Variants in FBXL17 observed in about 807,000 individuals in gnomAD.
FBXL17 encodes F-box and leucine rich repeat protein 17.
FBXL17 carries 22 observed loss-of-function variants against 66.2 expected under a neutral mutation model. That is an observed-to-expected ratio of 0.33 (90% CI 0.24 to 0.47). The LOEUF is 0.47. Ranked by LOEUF, FBXL17 falls within the 20% of genes least tolerant of loss-of-function variation. The pLI is 1.00. For synonymous variants in FBXL17, 474 were observed against 400.5 expected (o/e 1.18, Z -2.19); for missense variants, 878 against 948.2 (o/e 0.93, Z 0.97).
rs139135298 is a variant in FBXL17, at chr5:107,938,447, T to C, written c.1823-57268A>G. 3.6e-3 allele frequency among the ~76,000 whole-genome samples: 552 copies of C among 152,236 alleles called. 16 individuals carry two copies. Among genetic ancestry groups the C allele is most frequent in the Admixed American group, 0.035 (536 of 15,268 alleles). ...AACCTAGGGTGAAAGGGGTTGTTAG[T>C]CATTTATCTGTCTTTTAGTGACATC... is the stretch of plus-strand genomic sequence containing the variant. On this transcript the variant is annotated intron_variant, in intron 7 of 8. Coordinates refer to ENST00000542267, the MANE Select transcript of FBXL17 (RefSeq NM_001163315.3).
chr5:108,166,688 C>A (rs1485779822), intron 6 of FBXL17, among the ~76,000 whole-genome samples: 1 of 152,088 alleles, frequency 6.6e-6, no homozygotes, highest in Non-Finnish European at 1.5e-5. Context: ...AGCTTGCTGG[C>A]AGAAGGCTAA....
intron 6 of FBXL17, among the ~76,000 whole-genome samples, chr5:108,070,462 G>A (rs976677725): frequency 6.6e-6 from 1 of 152,256 alleles, no homozygotes. Flanking sequence ...AAATTATACT[G>A]TTTTAAGTCC....
At chr5:108,027,474 C>T (rs533601710) in intron 6 of FBXL17, among the ~76,000 whole-genome samples, 42 of 152,034 alleles carry the variant, frequency 2.8e-4, no homozygotes, top group Admixed American at 2.0e-3. Flanking sequence ...TCAGAATATG[C>T]AAGAAGCAGA....
intron 7 of FBXL17, among the ~76,000 whole-genome samples, chr5:108,013,715 A>G (rs1754269072): frequency 6.6e-6 from 1 of 152,166 alleles, no homozygotes; most frequent in Admixed American, 6.5e-5. Context: ...AAACAAAAAT[A>G]AAAAACCAGT....
chr5:108,346,561 G>C (rs1561543185), intron 4 of FBXL17, among the ~76,000 whole-genome samples: 7 of 152,060 alleles, frequency 4.6e-5, no homozygotes, highest in African/African-American at 1.7e-4. Flanking sequence ...TACTGCTTGA[G>C]AAACAGAAAA....
chr5:107,991,413 A>T (rs573597630), intron 7 of FBXL17, among the ~76,000 whole-genome samples: 22 of 152,290 alleles, frequency 1.4e-4, no homozygotes, highest in African/African-American at 5.3e-4. Flanking sequence ...GTGGGAAGAG[A>T]TGGCCTGAGT....
In FBXL17 at chr5:108,311,694, T is replaced by TA. The variant is rs1348569001; in HGVS notation, c.1506+36704dup. On this transcript the variant is annotated intron_variant, in intron 4 of 8. Coordinates refer to ENST00000542267, the MANE Select transcript of FBXL17 (RefSeq NM_001163315.3). ...ATTCTGCATAAGCTCATGGAGAATC[T>TA]AAAAAAAAGATAGATTTGCTCTGAT... Among the ~76,000 whole-genome samples the TA allele has an allele frequency of 4.0e-5, 6 of 151,870 alleles. 1 individual carries two copies. Among genetic ancestry groups the TA allele is most frequent in the Admixed American group, 1.3e-4 (2 of 15,242 alleles).
chr5:108,166,257 C>A (rs1192724910), intron 6 of FBXL17, among the ~76,000 whole-genome samples: 1 of 152,120 alleles, frequency 6.6e-6, no homozygotes, highest in Non-Finnish European at 1.5e-5. Flanking sequence ...TAGCATTTTA[C>A]CTGCATGCAT....
At chr5:108,034,267 T>A (rs573676527) in intron 6 of FBXL17, among the ~76,000 whole-genome samples, 1 of 152,314 alleles carries the variant, frequency 6.6e-6, no homozygotes, top group South Asian at 2.1e-4. Flanking sequence ...GGAACCAATT[T>A]TAAAATCAGC....
intron 6 of FBXL17, among the ~76,000 whole-genome samples, chr5:108,154,616 TACACACACACACAC>T (rs768615062): frequency 7.3e-5 from 7 of 96,300 alleles, no homozygotes; most frequent in Non-Finnish European, 1.3e-4. Flanking sequence ...AATATATATA[TACACACACACACAC>T]ACACACACAC....
At chr5:108,182,238 C>A (rs562018615) in intron 6 of FBXL17, among the ~76,000 whole-genome samples, 2 of 152,036 alleles carry the variant, frequency 1.3e-5, no homozygotes, top group African/African-American at 4.8e-5. Flanking sequence ...TAATAATGAA[C>A]GAATGTAAAA....
At chr5:108,069,090 C>A (rs931010152) in intron 6 of FBXL17, among the ~76,000 whole-genome samples, 2 of 152,174 alleles carry the variant, frequency 1.3e-5, no homozygotes, top group Non-Finnish European at 2.9e-5. Context: ...CAAACATACA[C>A]ACACCCCTCA....
intron 4 of FBXL17, among the ~76,000 whole-genome samples, chr5:108,270,915 C>T (rs1335240127): frequency 6.6e-6 from 1 of 151,994 alleles, no homozygotes; most frequent in African/African-American, 2.4e-5. Context: ...AAATTCTCCT[C>T]CAAAAGTCCA....
intron 6 of FBXL17, among the ~76,000 whole-genome samples, chr5:108,039,306 A>T (rs754473591): frequency 9.2e-5 from 14 of 152,116 alleles, no homozygotes; most frequent in Admixed American, 9.2e-4. Context: ...CAGTTTTAAT[A>T]ATAAAGACTA....
intron 6 of FBXL17, among the ~76,000 whole-genome samples, chr5:108,088,387 C>T (rs1461745549): frequency 6.6e-6 from 1 of 152,106 alleles, no homozygotes. Flanking sequence ...CTTCCTTTGA[C>T]TTCTACCACA....
At chr5:107,906,690 A>C (rs1028639816) in intron 7 of FBXL17, among the ~76,000 whole-genome samples, 3 of 152,180 alleles carry the variant, frequency 2.0e-5, no homozygotes, top group African/African-American at 7.2e-5. Flanking sequence ...TAAGGTAAAA[A>C]CATTTGAGTG....
intron 4 of FBXL17, among the ~76,000 whole-genome samples, chr5:108,336,228 G>C (rs936513072): frequency 8.5e-5 from 13 of 152,060 alleles, no homozygotes; most frequent in African/African-American, 3.1e-4. Flanking sequence ...ACCTCTGCGT[G>C]GTGTATTACT....
intron 6 of FBXL17, among the ~76,000 whole-genome samples, chr5:108,064,840 T>G (rs760866725): frequency 1.3e-5 from 2 of 152,118 alleles, no homozygotes. Flanking sequence ...GCAGCTTCCT[T>G]CCAGCAGAGG....
intron 6 of FBXL17, among the ~76,000 whole-genome samples, chr5:108,139,964 G>GT (rs1173338560): frequency 6.6e-6 from 1 of 151,914 alleles, no homozygotes; most frequent in Non-Finnish European, 1.5e-5. Context: ...CCCTAAACAC[G>GT]TTTAAGTTTC....
Sources: allele counts gnomAD v4.1 joint callset (sites outside exome capture counted in the v4.1 genomes callset), GRCh38; gene constraint gnomAD v4.1.1; transcripts MANE v1.5; gene names NCBI Gene and HGNC (gene_info 2026-07-23, HGNC 2026-07-21).